VSIG1: variants seen among roughly 807,000 people sequenced by gnomAD.
The protein encoded by VSIG1 is V-set and immunoglobulin domain containing 1.
Under a neutral mutation model 20.1 loss-of-function variants are expected in VSIG1, and 11 were observed. The observed-to-expected ratio is 0.55, with a 90% CI of 0.34 to 0.91. VSIG1 has a LOEUF of 0.91. Ranked by LOEUF, VSIG1 falls within the 40% of genes least tolerant of loss-of-function variation. The probability of loss-of-function intolerance (pLI) is 0.02; values close to 1 mark genes in which losing one functional copy is unlikely to be tolerated. For synonymous variants in VSIG1, 126 were observed against 116.7 expected (o/e 1.08, Z -0.52); for missense variants, 283 against 298.8 (o/e 0.95, Z 0.39).
chrX:108,071,182 G>A (rs17254291), intron 3 of VSIG1, among the ~76,000 whole-genome samples: 38,421 of 109,860 alleles, frequency 0.35, 5,314 homozygotes, highest in Non-Finnish European at 0.42. Flanking sequence ...CTGCGTCTCA[G>A]GTAAGAGCTG....
At chrX:108,062,542 C>T (rs1160062774) in intron 2 of VSIG1, among the ~76,000 whole-genome samples, 1 of 112,223 alleles carries the variant, frequency 8.9e-6, no homozygotes, top group Admixed American at 9.4e-5. Context: ...TTATTTTATT[C>T]TCTTCTAAAG....
intron 1 of VSIG1, among the ~76,000 whole-genome samples, chrX:108,050,400 G>A (rs1271056624): frequency 9.0e-6 from 1 of 111,544 alleles, no homozygotes; most frequent in Non-Finnish European, 1.9e-5. Context: ...AGGCAACTAG[G>A]ACAGCATAGA....
At chrX:108,051,924 G>C (rs778887493) in intron 1 of VSIG1, among the ~76,000 whole-genome samples, 1 of 111,838 alleles carries the variant, frequency 8.9e-6, no homozygotes, top group Non-Finnish European at 1.9e-5. Context: ...TTATATGTGA[G>C]ATCTAAAAGA....
the VSIG1 span, among the ~76,000 whole-genome samples, chrX:108,021,420 A>T: frequency 2.7e-5 from 3 of 111,861 alleles, no homozygotes; most frequent in Non-Finnish European, 1.9e-5. Flanking sequence ...TCTTTTCATC[A>T]TTGAGTTGTG....
chrX:108,047,799 T>TAC (rs2030622386), intron 1 of VSIG1, among the ~76,000 whole-genome samples: 3 of 68,561 alleles, frequency 4.4e-5, no homozygotes, highest in African/African-American at 1.2e-4. Context: ...TCTATATATA[T>TAC]ATATATATAC....
At chrX:108,055,701 A>G (rs1165704557) in intron 1 of VSIG1, among the ~76,000 whole-genome samples, 1 of 87,847 alleles carries the variant, frequency 1.1e-5, no homozygotes, top group African/African-American at 3.9e-5. Context: ...CAGGCTAAAG[A>G]AAAAAAAATA....
chrX:108,061,467 G>T (rs898411123), intron 2 of VSIG1: 5 of 1,165,031 alleles, frequency 4.3e-6, no homozygotes, highest in Admixed American at 2.6e-5. Flanking sequence ...GGAGGAAAAG[G>T]CAGTCAGTCA....
chrX:108,076,136 A>G lies in VSIG1; in HGVS notation c.748A>G (p.Ile250Val). The change falls in exon 6 of 7, where the codon ATC becomes GTC. Residue 250 changes from isoleucine to valine, a missense_variant. Coordinates refer to ENST00000217957, the MANE Select transcript of VSIG1 (RefSeq NM_182607.5). Reference protein sequence around the residue: ...LIGSLVGAAIIISVVCFARNK... With the variant: ...LIGSLVGAAIVISVVCFARNK... ...TGGTAGCCTGGTAGGTGCCGCCATC[A>G]TCATCTCTGTTGTGTGCTTCGCAAG... is the stretch of plus-strand genomic sequence containing the variant. 1.7e-6 allele frequency: 2 copies of G among 1,211,829 alleles called. No individual in the cohort carries two copies. Among genetic ancestry groups the G allele is most frequent in the Non-Finnish European group, 2.2e-6 (2 of 895,380 alleles).
chrX:108,033,049 G>C, the VSIG1 span, among the ~76,000 whole-genome samples: 11 of 111,609 alleles, frequency 9.9e-5, no homozygotes, highest in Non-Finnish European at 1.5e-4. Context: ...TGTTTGCCTT[G>C]GGAGGGTCAT....
At chrX:108,047,807 TAC>T (rs1392304272) in intron 1 of VSIG1, among the ~76,000 whole-genome samples, 7 of 50,834 alleles carry the variant, frequency 1.4e-4, no homozygotes, top group African/African-American at 5.8e-4. Context: ...TATATATATA[TAC>T]ATATATATAT....
intron 1 of VSIG1, among the ~76,000 whole-genome samples, chrX:108,047,789 T>TATATATATA (rs2030617680): frequency 1.4e-5 from 1 of 72,674 alleles, no homozygotes; most frequent in Non-Finnish European, 2.4e-5. Flanking sequence ...TCTCTCTCTC[T>TATATATATA]CTATATATAT....
chrX:108,077,082 G>A lies in VSIG1; in HGVS notation c.865G>A (p.Glu289Lys), dbSNP rs201060394. Residue 289 changes from glutamate (E) to lysine (K), a missense_variant, in exon 7 of 7, where the codon GAA (glutamate) becomes AAA (lysine). Glu to Lys is a moderately conservative substitution (Grantham distance 56). Coordinates refer to ENST00000217957, the MANE Select transcript of VSIG1 (RefSeq NM_182607.5). ...AAAGATAAACCCAAGGGGAGAAAGCGAAGCAATGCCAAGAGAAGACGCTAC... is the reference window on the plus strand; with the variant it reads ...AAAGATAAACCCAAGGGGAGAAAGCAAAGCAATGCCAAGAGAAGACGCTAC... Reference protein sequence around the residue: ...MTKINPRGESEAMPREDATQL... With the variant: ...MTKINPRGESKAMPREDATQL... 8.3e-6 allele frequency: 10 copies of A among 1,208,882 alleles called. No homozygotes were observed. Among genetic ancestry groups the A allele is most frequent in the South Asian group, 7.1e-5 (4 of 56,392 alleles).
chrX:108,066,836 G>A, intron 2 of VSIG1, 100 bp from the exon 3 acceptor site: 1 of 810,973 alleles, frequency 1.2e-6, no homozygotes, highest in Non-Finnish European at 1.8e-6. Flanking sequence ...GGAAGATGCT[G>A]CTTCTTTATC....
the VSIG1 span, among the ~76,000 whole-genome samples, chrX:108,035,308 A>C: frequency 1.8e-5 from 2 of 110,447 alleles, no homozygotes; most frequent in Non-Finnish European, 3.8e-5. Flanking sequence ...ATCATGTTGG[A>C]CAGGCTGGTC....
intron 6 of VSIG1, among the ~76,000 whole-genome samples, chrX:108,076,727 A>T (rs1270942794): frequency 9.0e-6 from 1 of 111,523 alleles, no homozygotes; most frequent in Admixed American, 9.5e-5. Flanking sequence ...ATTGTACTAG[A>T]TGGAGTGAGA....
At position 108,077,501 on chromosome X, in the gene VSIG1, T is replaced by C. The variant is rs1015036041; in HGVS notation, c.*120T>C. 2.4e-6 allele frequency: 2 copies of C among 836,327 alleles called. No homozygotes were observed. Among genetic ancestry groups the C allele is most frequent in the Non-Finnish European group, 3.4e-6 (2 of 592,272 alleles). The allele number at this position is 836,327 out of a possible 1,213,427, so 68.9% of individuals were successfully genotyped here. On this transcript the variant is annotated 3_prime_UTR_variant, in exon 7 of 7. Transcript: ENST00000217957. ...TTTGACCAACCTTCTTCTAACAAGG[T>C]GCTCATTCCTACTATGAATCCAGAA...
chrX:108,047,887 CACACAT>C (rs1569287202), intron 1 of VSIG1, among the ~76,000 whole-genome samples: 6 of 24,483 alleles, frequency 2.5e-4, no homozygotes, highest in African/African-American at 1.0e-3. Context: ...TATATATATA[CACACAT>C]ATATATATAT....
At chrX:108,034,521 TTTTGTTTGTTTG>T in the VSIG1 span, among the ~76,000 whole-genome samples, 1 of 111,391 alleles carries the variant, frequency 9.0e-6, no homozygotes, top group Non-Finnish European at 1.9e-5. Context: ...CCAGGTGTTT[TTTTGTTTGTTTG>T]TTTGTTTGTT....
Position 108,079,174 on chromosome X carries a change from T to C in VSIG1, c.*1793T>C, listed in dbSNP as rs1443576425. The C allele has an allele frequency of 8.9e-6, 1 of 112,392 alleles. No homozygotes were observed. The highest frequency in any genetic ancestry group is 9.4e-5 in the Admixed American group (1 of 10,632). 9.3% of individuals were successfully genotyped at this position (112,392 alleles called of 1,213,427 possible). On this transcript the variant is annotated 3_prime_UTR_variant, in exon 7 of 7. Coordinates refer to ENST00000217957, the MANE Select transcript of VSIG1 (RefSeq NM_182607.5). ...GCATTTATGTATAATAAACCAGACATTTAAAGTGTACAATTTGATGAGTTT... is the reference window on the plus strand; with the variant it reads ...GCATTTATGTATAATAAACCAGACACTTAAAGTGTACAATTTGATGAGTTT...
Sources: allele counts gnomAD v4.1 joint callset (sites outside exome capture counted in the v4.1 genomes callset), GRCh38; gene constraint gnomAD v4.1.1; transcripts MANE v1.5; gene names NCBI Gene and HGNC (gene_info 2026-07-23, HGNC 2026-07-21).